Variants in SPMAP2L observed in about 807,000 individuals in gnomAD.
SPMAP2L encodes the protein sperm microtubule associated protein 2-like.
chr4:56,576,229 A>G, the SPMAP2L span, among the ~76,000 whole-genome samples: 1 of 152,184 alleles, frequency 6.6e-6, no homozygotes, highest in Non-Finnish European at 1.5e-5. Flanking sequence ...TAAACTTGAG[A>G]CTATTCAGAA....
At chr4:56,531,014 T>G in the SPMAP2L span, 19 of 1,534,666 alleles carry the variant, frequency 1.2e-5, no homozygotes, top group Non-Finnish European at 1.7e-5. Context: ...CCCAAACTCC[T>G]CAAGGCCCGT....
chr4:56,601,693 G>A, the SPMAP2L span, among the ~76,000 whole-genome samples: 2 of 152,142 alleles, frequency 1.3e-5, no homozygotes, highest in East Asian at 1.9e-4. Context: ...GAGCCCAGGA[G>A]TTTGAAGTTA....
the SPMAP2L span, among the ~76,000 whole-genome samples, chr4:56,534,459 G>C: frequency 6.6e-6 from 1 of 152,174 alleles, no homozygotes; most frequent in African/African-American, 2.4e-5. Flanking sequence ...AGTCCTCTCA[G>C]ATTCATTCTT....
chr4:56,593,807 G>A, the SPMAP2L span: 2 of 1,604,898 alleles, frequency 1.2e-6, no homozygotes, highest in Non-Finnish European at 1.7e-6. Context: ...CATCTGTACA[G>A]CTCAGGCCCT....
the SPMAP2L span, among the ~76,000 whole-genome samples, chr4:56,606,996 T>A: frequency 6.6e-6 from 1 of 152,132 alleles, no homozygotes; most frequent in East Asian, 1.9e-4. Context: ...AAGGTGGATT[T>A]ATGGGATTTG....
chr4:56,600,397 G>A, the SPMAP2L span, among the ~76,000 whole-genome samples: 3 of 152,158 alleles, frequency 2.0e-5, no homozygotes, highest in African/African-American at 4.8e-5. Flanking sequence ...TGGTTCAGGC[G>A]ATTCTTCTGC....
At chr4:56,619,584 G>A in the SPMAP2L span, among the ~76,000 whole-genome samples, 7 of 152,280 alleles carry the variant, frequency 4.6e-5, no homozygotes, top group African/African-American at 1.7e-4. Flanking sequence ...CTTTGTTAAG[G>A]CTGAAGGATA....
At chr4:56,554,422 C>G in the SPMAP2L span, among the ~76,000 whole-genome samples, 2 of 152,180 alleles carry the variant, frequency 1.3e-5, no homozygotes, top group African/African-American at 4.8e-5. Flanking sequence ...TTGCAATTCT[C>G]TAATGAACTG....
At chr4:56,606,140 G>A in the SPMAP2L span, among the ~76,000 whole-genome samples, 1 of 152,114 alleles carries the variant, frequency 6.6e-6, no homozygotes, top group Non-Finnish European at 1.5e-5. Context: ...AAAGTGTGAC[G>A]TTTTCTTAAC....
the SPMAP2L span, chr4:56,593,397 AC>A: frequency 7.5e-7 from 1 of 1,334,910 alleles, no homozygotes. Context: ...AGCTGAAGTT[AC>A]CCTGTGAAAT....
At chr4:56,541,505 C>T in the SPMAP2L span, among the ~76,000 whole-genome samples, 3 of 151,898 alleles carry the variant, frequency 2.0e-5, no homozygotes, top group African/African-American at 4.8e-5. Flanking sequence ...GATAGAAAAA[C>T]GTAAAATATT....
chr4:56,542,182 C>T, the SPMAP2L span, among the ~76,000 whole-genome samples: 2 of 152,238 alleles, frequency 1.3e-5, no homozygotes, highest in African/African-American at 4.8e-5. Flanking sequence ...ATCAACCCTT[C>T]CTTACTGGAG....
the SPMAP2L span, among the ~76,000 whole-genome samples, chr4:56,610,212 T>A: frequency 6.6e-6 from 1 of 152,134 alleles, no homozygotes; most frequent in African/African-American, 2.4e-5. Context: ...TAAAAGGCCA[T>A]AGTCACCAAA....
At chr4:56,598,509 G>C in the SPMAP2L span, among the ~76,000 whole-genome samples, 1 of 152,116 alleles carries the variant, frequency 6.6e-6, no homozygotes, top group African/African-American at 2.4e-5. Context: ...TGTCTTGCCT[G>C]GCCAGGGAAG....
the SPMAP2L span, chr4:56,595,371 T>C: frequency 1.9e-6 from 3 of 1,603,300 alleles, no homozygotes; most frequent in Non-Finnish European, 2.6e-6. Context: ...CCCTCATGGT[T>C]GAGCCCACTG....
chr4:56,611,141 C>T, the SPMAP2L span, among the ~76,000 whole-genome samples: 1 of 152,180 alleles, frequency 6.6e-6, no homozygotes, highest in Non-Finnish European at 1.5e-5. Context: ...GATACTTGCA[C>T]ACACATATTT....
the SPMAP2L span, among the ~76,000 whole-genome samples, chr4:56,588,079 G>A: frequency 6.6e-6 from 1 of 152,180 alleles, no homozygotes; most frequent in African/African-American, 2.4e-5. Flanking sequence ...GTGATGTTGA[G>A]CATTTTTTCA....
chr4:56,564,248 C>T, the SPMAP2L span, among the ~76,000 whole-genome samples: 2 of 152,008 alleles, frequency 1.3e-5, no homozygotes, highest in South Asian at 2.1e-4. Flanking sequence ...AACCTCCCAC[C>T]TCAGCCTCCC....
At chr4:56,543,958 G>GTA in the SPMAP2L span, among the ~76,000 whole-genome samples, 1 of 124,874 alleles carries the variant, frequency 8.0e-6, no homozygotes, top group African/African-American at 3.4e-5. Flanking sequence ...GAGTGTGTGT[G>GTA]TGTGTGTGTG....
Sources: allele counts gnomAD v4.1 joint callset (sites outside exome capture counted in the v4.1 genomes callset), GRCh38; gene constraint gnomAD v4.1.1; transcripts MANE v1.5; gene names NCBI Gene and HGNC (gene_info 2026-07-23, HGNC 2026-07-21).